LSAMP: variants seen among roughly 807,000 people sequenced by gnomAD.
The protein encoded by LSAMP is limbic system associated membrane protein.
Under a neutral mutation model 38.6 loss-of-function variants are expected in LSAMP, and 7 were observed. That is an observed-to-expected ratio of 0.18 (90% CI 0.10 to 0.34). The LOEUF is 0.34. Among genes scored for constraint, LSAMP ranks in the 10% least tolerant of loss-of-function variants. The probability of loss-of-function intolerance (pLI) is 1.00; values close to 1 mark genes in which losing one functional copy is unlikely to be tolerated. For missense variants in LSAMP, 313 were observed against 420.0 expected, an observed-to-expected ratio of 0.75 and a Z score of 2.23; for synonymous variants, 154 against 166.8, an observed-to-expected ratio of 0.92 and a Z score of 0.59.
chr3:115,908,292 A>G (rs1456539733), intron 3 of LSAMP, among the ~76,000 whole-genome samples: 1 of 151,916 alleles, frequency 6.6e-6, no homozygotes, highest in Admixed American at 6.6e-5. Flanking sequence ...ATCCAATCAA[A>G]TGATTTTAGT....
At chr3:116,214,547 A>C (rs1576437847) in intron 1 of LSAMP, among the ~76,000 whole-genome samples, 2 of 130,492 alleles carry the variant, frequency 1.5e-5, no homozygotes, top group South Asian at 2.5e-4. Flanking sequence ...TCTGTCACCC[A>C]GGCTGGAGAG....
chr3:115,995,300 G>A lies in LSAMP; in HGVS notation c.514+24215C>T, dbSNP rs894185834. 3.3e-5 allele frequency among the ~76,000 whole-genome samples: 5 copies of A among 152,020 alleles called. No homozygotes were observed. In the East Asian group the frequency reaches 9.7e-4, roughly 29 times the overall value. The stretch of plus-strand genomic sequence containing the variant: ...AGCTTTGTTATCTTCACCTAAAAGT[G>A]CCTGTTCATAGTGAAGGCCAGTACT... On this transcript the variant is annotated intron_variant, in intron 3 of 6. Transcript: ENST00000490035.
At chr3:116,134,506 A>G (rs545057948) in intron 1 of LSAMP, among the ~76,000 whole-genome samples, 3 of 152,230 alleles carry the variant, frequency 2.0e-5, no homozygotes, top group Non-Finnish European at 4.4e-5. Context: ...TTTAAGTCAT[A>G]TTCGGCCAAC....
chr3:116,391,585 C>CG (rs139201367), intron 1 of LSAMP, among the ~76,000 whole-genome samples: 11,451 of 151,570 alleles, frequency 0.076, 503 homozygotes, highest in Middle Eastern at 0.13. Flanking sequence ...GGAAGCAGGG[C>CG]GCGGGGGTGG....
At chr3:116,233,664 CTT>C (rs1263220485) in intron 1 of LSAMP, among the ~76,000 whole-genome samples, 1 of 151,788 alleles carries the variant, frequency 6.6e-6, no homozygotes, top group African/African-American at 2.4e-5. Context: ...TCAAGCTACT[CTT>C]TATTCCCATG....
At chr3:116,213,850 T>C (rs1367233301) in intron 1 of LSAMP, among the ~76,000 whole-genome samples, 4 of 152,146 alleles carry the variant, frequency 2.6e-5, no homozygotes, top group Non-Finnish European at 4.4e-5. Flanking sequence ...GTATCTAAAA[T>C]AATCAAATTT....
intron 1 of LSAMP, among the ~76,000 whole-genome samples, chr3:116,238,215 A>C (rs2046489755): frequency 6.6e-6 from 1 of 152,132 alleles, no homozygotes; most frequent in South Asian, 2.1e-4. Context: ...TGGGGCTTTT[A>C]CCTTTTTAAT....
intron 1 of LSAMP, among the ~76,000 whole-genome samples, chr3:116,300,838 A>ATAAG (rs1425541452): frequency 6.6e-6 from 1 of 152,158 alleles, no homozygotes; most frequent in African/African-American, 2.4e-5. Context: ...ATCTCATCAC[A>ATAAG]TAAGTCGGCA....
At chr3:116,047,735 A>G (rs1284497396) in intron 2 of LSAMP, among the ~76,000 whole-genome samples, 2 of 152,202 alleles carry the variant, frequency 1.3e-5, no homozygotes, top group Non-Finnish European at 2.9e-5. Flanking sequence ...AGATGTTGTC[A>G]TTGAACATTA....
chr3:116,280,186 A>G (rs2047110288), intron 1 of LSAMP, among the ~76,000 whole-genome samples: 1 of 152,208 alleles, frequency 6.6e-6, no homozygotes, highest in African/African-American at 2.4e-5. Flanking sequence ...AATACATAAC[A>G]ACTTTTTAAT....
chr3:116,248,042 AC>A (rs1364516522), intron 1 of LSAMP, among the ~76,000 whole-genome samples: 1 of 152,196 alleles, frequency 6.6e-6, no homozygotes, highest in African/African-American at 2.4e-5. Flanking sequence ...TAATGCTGAC[AC>A]TATTAATCAT....
chr3:116,277,924 A>G (rs1303609678), intron 1 of LSAMP, among the ~76,000 whole-genome samples: 2 of 152,230 alleles, frequency 1.3e-5, no homozygotes, highest in Non-Finnish European at 2.9e-5. Flanking sequence ...GCATATTAGT[A>G]CTGTAATATA....
intron 1 of LSAMP, among the ~76,000 whole-genome samples, chr3:116,206,286 TTC>T (rs1045666846): frequency 2.0e-5 from 3 of 149,776 alleles, no homozygotes; most frequent in African/African-American, 7.4e-5. Flanking sequence ...TATTTGATTC[TTC>T]TCTCTTTTTT....
intron 1 of LSAMP, among the ~76,000 whole-genome samples, chr3:116,319,224 C>A (rs917163009): frequency 1.3e-5 from 2 of 152,086 alleles, no homozygotes; most frequent in Non-Finnish European, 2.9e-5. Context: ...GCTTCCTTTC[C>A]TCTATAAAAA....
At chr3:116,092,321 A>G (rs1271676935) in intron 1 of LSAMP, among the ~76,000 whole-genome samples, 2 of 152,146 alleles carry the variant, frequency 1.3e-5, no homozygotes, top group Non-Finnish European at 2.9e-5. Flanking sequence ...AGTAAAGGAG[A>G]GAAAAAATGT....
At chr3:116,180,705 T>A (rs908618399) in intron 1 of LSAMP, among the ~76,000 whole-genome samples, 2 of 152,302 alleles carry the variant, frequency 1.3e-5, no homozygotes, top group African/African-American at 4.8e-5. Flanking sequence ...TTTACTGAAT[T>A]ACATCTCTAG....
At chr3:116,070,472 G>A (rs1707574151) in intron 2 of LSAMP, among the ~76,000 whole-genome samples, 2 of 152,302 alleles carry the variant, frequency 1.3e-5, no homozygotes, top group Admixed American at 1.3e-4. Flanking sequence ...CAGTAAAGTG[G>A]ACACTGAAAT....
At chr3:116,319,400 C>G (rs1330371459) in intron 1 of LSAMP, among the ~76,000 whole-genome samples, 2 of 152,116 alleles carry the variant, frequency 1.3e-5, no homozygotes, top group East Asian at 1.9e-4. Context: ...TACATGATTT[C>G]TCTTTCTATT....
At chr3:116,275,283 G>C (rs1267180069) in intron 1 of LSAMP, among the ~76,000 whole-genome samples, 2 of 151,934 alleles carry the variant, frequency 1.3e-5, no homozygotes, top group Non-Finnish European at 2.9e-5. Flanking sequence ...GAACTCCTAG[G>C]CTCAAGCAAT....
Sources: allele counts gnomAD v4.1 joint callset (sites outside exome capture counted in the v4.1 genomes callset), GRCh38; gene constraint gnomAD v4.1.1; transcripts MANE v1.5; gene names NCBI Gene and HGNC (gene_info 2026-07-23, HGNC 2026-07-21).